Variants in MAN2B2 observed in about 807,000 individuals in gnomAD.
MAN2B2 encodes mannosidase alpha class 2B member 2.
Under a neutral mutation model 117.1 loss-of-function variants are expected in MAN2B2, and 106 were observed. That is an observed-to-expected ratio of 0.90 (90% CI 0.77 to 1.06). The LOEUF (loss-of-function observed/expected upper bound fraction) is 1.06. MAN2B2 is among the 50% of genes least tolerant of loss of function. The pLI is 0.00. For missense variants in MAN2B2, 1,326 were observed against 1,381.4 expected (o/e 0.96, Z 0.64); for synonymous variants, 544 against 595.1 (o/e 0.91, Z 1.25).
intron 3 of MAN2B2, among the ~76,000 whole-genome samples, chr4:6,579,669 A>C (rs1358463409): frequency 2.0e-5 from 3 of 149,820 alleles, no homozygotes; most frequent in Non-Finnish European, 4.4e-5. Context: ...CACTATCACC[A>C]TGATCACCAC....
At chr4:6,603,582 C>T (rs1229935199) in intron 10 of MAN2B2, among the ~76,000 whole-genome samples, 1 of 152,154 alleles carries the variant, frequency 6.6e-6, no homozygotes, top group Non-Finnish European at 1.5e-5. Context: ...GGAGTAGATT[C>T]CCTCAGCATA....
chr4:6,605,335 G>A lies in MAN2B2; in HGVS notation c.1814+6G>A. The A allele has an allele frequency of 6.2e-7, 1 of 1,601,484 alleles. No homozygotes were observed. Among genetic ancestry groups the A allele is most frequent in the Non-Finnish European group, 8.5e-7 (1 of 1,170,868 alleles). The stretch of plus-strand genomic sequence containing the variant: ...ATGCACAGCATCTGGGAGAGGTAAG[G>A]TGCAGCCATTGCTGTCTCTGAGGCA... On this transcript the variant is annotated splice_donor_region_variant and intron_variant, in intron 11 of 18. Transcript: ENST00000285599.
intron 3 of MAN2B2, among the ~76,000 whole-genome samples, chr4:6,583,586 G>C (rs973587803): frequency 2.0e-5 from 3 of 152,184 alleles, no homozygotes; most frequent in Admixed American, 6.5e-5. Flanking sequence ...CAGCTAATCC[G>C]TACGGGTCTG....
chr4:6,577,056 C>G (rs1341399271), intron 2 of MAN2B2, among the ~76,000 whole-genome samples: 2 of 152,198 alleles, frequency 1.3e-5, no homozygotes, highest in Non-Finnish European at 2.9e-5. Context: ...CAAGCCCTCA[C>G]CCTCTTCTCT....
intron 13 of MAN2B2, 91 bp from the exon 14 acceptor site, chr4:6,610,788 TG>T: frequency 9.5e-7 from 1 of 1,053,574 alleles, no homozygotes; most frequent in Non-Finnish European, 1.5e-6. Context: ...GCTGTGCCTA[TG>T]GGGAGCACCA....
chr4:6,577,356 C>T (rs10937745), intron 2 of MAN2B2, among the ~76,000 whole-genome samples: 40,461 of 152,124 alleles, frequency 0.27, 6,521 homozygotes, highest in East Asian at 0.52. Context: ...GGACGATACT[C>T]GGGGGTTCTT....
intron 3 of MAN2B2, among the ~76,000 whole-genome samples, chr4:6,585,270 G>T (rs1726587350): frequency 6.6e-6 from 1 of 152,118 alleles, no homozygotes; most frequent in Non-Finnish European, 1.5e-5. Flanking sequence ...CTCATCTGAG[G>T]CTCAGCCAGG....
rs561074080 is a variant in MAN2B2, at chr4:6,615,010, C to A, written c.2701+655C>A. ...AGCCCCAGCTGCACCTCCTCTGCCC[C>A]CTCTACACCGTGAGCAGTGGAAAGG... is the stretch of plus-strand genomic sequence containing the variant. On this transcript the variant is annotated intron_variant, in intron 16 of 18. Transcript: ENST00000285599. 4.0e-4 allele frequency among the ~76,000 whole-genome samples: 61 copies of A among 152,330 alleles called. 1 individual carries two copies. The South Asian group carries it at 0.012, about 31-fold the overall frequency.
chr4:6,579,179 A>T (rs1335911901), intron 3 of MAN2B2, among the ~76,000 whole-genome samples: 8 of 79,246 alleles, frequency 1.0e-4, no homozygotes, highest in East Asian at 1.4e-3. Flanking sequence ...CACCACCACC[A>T]TCACCATCAC....
chr4:6,582,987 C>G (rs1347578984), intron 3 of MAN2B2, among the ~76,000 whole-genome samples: 1 of 152,214 alleles, frequency 6.6e-6, no homozygotes, highest in African/African-American at 2.4e-5. Context: ...CTGTGGAAGT[C>G]TGCAGTGCAG....
rs746392635 is a variant in MAN2B2, at chr4:6,597,225, G to A, written c.1170G>A (p.Leu390=). 6 of 1,607,560 alleles carry A rather than the reference G, an allele frequency of 3.7e-6. No individual in the cohort carries two copies. Among genetic ancestry groups the A allele is most frequent in the East Asian group, 2.2e-5 (1 of 44,564 alleles). Residue 390 remains leucine (L), a synonymous_variant, in exon 8 of 19, where the codon CTG becomes CTA. Coordinates refer to ENST00000285599, the MANE Select transcript of MAN2B2 (RefSeq NM_015274.3). ...YAGESMFTRY[L]WPAPRGHLDP... The stretch of plus-strand genomic sequence containing the variant: ...GGGAGTCCATGTTCACACGCTACCT[G>A]TGGCCGGCCCCCCGTGGGCATCTGG...
intron 10 of MAN2B2, among the ~76,000 whole-genome samples, chr4:6,603,226 C>T (rs1727403948): frequency 2.0e-5 from 3 of 152,166 alleles, no homozygotes; most frequent in Non-Finnish European, 4.4e-5. Context: ...AGGCCAACTC[C>T]GGTTCCAGAG....
At chr4:6,588,460 C>G (rs1726728706) in intron 4 of MAN2B2, among the ~76,000 whole-genome samples, 1 of 152,216 alleles carries the variant, frequency 6.6e-6, no homozygotes, top group South Asian at 2.1e-4. Flanking sequence ...GTGGCTCACG[C>G]CTGTAATCCC....
rs1711755748 is a variant in MAN2B2, at chr4:6,614,403, T to C, written c.2701+48T>C. ...TCAGACCTGCTCCTCCCTCCCTGAG[T>C]CAAACAGGCCACCGGGCCCACCACC... On this transcript the variant is annotated intron_variant, in intron 16 of 18. Transcript: ENST00000285599. The C allele has an allele frequency of 1.9e-6, 3 of 1,598,482 alleles. No homozygotes were observed. In the African/African-American group the frequency reaches 4.0e-5, roughly 21 times the overall value.
intron 5 of MAN2B2, among the ~76,000 whole-genome samples, chr4:6,589,546 C>T (rs1422949271): frequency 6.6e-6 from 1 of 152,074 alleles, no homozygotes; most frequent in Non-Finnish European, 1.5e-5. Context: ...CAGCCCTATT[C>T]TGCAGTTTTT....
intron 10 of MAN2B2, 60 bp from the exon 11 acceptor site, chr4:6,604,995 C>A (rs905872261): frequency 1.3e-6 from 2 of 1,562,564 alleles, no homozygotes; most frequent in African/African-American, 1.4e-5. Flanking sequence ...GTAGTGAGCA[C>A]CCCATTCCAG....
chr4:6,583,116 G>A (rs141178603), intron 3 of MAN2B2, among the ~76,000 whole-genome samples: 1 of 152,286 alleles, frequency 6.6e-6, no homozygotes, highest in African/African-American at 2.4e-5. Context: ...GTCTAGACTG[G>A]CTCACCCCAC....
chr4:6,602,435 C>G (rs543202289), intron 10 of MAN2B2, among the ~76,000 whole-genome samples: 1 of 152,216 alleles, frequency 6.6e-6, no homozygotes, highest in East Asian at 1.9e-4. Flanking sequence ...TCTCTGAGGT[C>G]TTTTTTACGA....
intron 12 of MAN2B2, chr4:6,609,584 G>A: frequency 1.5e-6 from 1 of 647,714 alleles, no homozygotes; most frequent in South Asian, 1.9e-5. Context: ...CGTAAGGCAG[G>A]CCCGGCATGG....
Sources: gnomAD v4.1 joint callset for allele counts (sites outside exome capture counted in the v4.1 genomes callset) on GRCh38, gnomAD v4.1.1 for gene constraint, MANE v1.5 for transcripts, NCBI Gene and HGNC (gene_info 2026-07-23, HGNC 2026-07-21) for gene names.